The following PPP1R37 variants were observed in gnomAD, a reference collection of about 807,000 sequenced individuals.
PPP1R37 encodes protein phosphatase 1 regulatory subunit 37, also known as leucine rich repeat containing 68.
Under a neutral mutation model 61.0 loss-of-function variants are expected in PPP1R37, and 21 were observed. That is an observed-to-expected ratio of 0.34 (90% CI 0.24 to 0.50). The LOEUF (loss-of-function observed/expected upper bound fraction) is 0.50. Ranked by LOEUF, PPP1R37 falls within the 20% of genes least tolerant of loss-of-function variation. The pLI is 0.98. For missense variants in PPP1R37, 910 were observed against 952.7 expected, an observed-to-expected ratio of 0.96 and a Z score of 0.59; for synonymous variants, 443 against 433.5, an observed-to-expected ratio of 1.02 and a Z score of -0.27.
At chr19:45,143,393 A>G in intron 7 of PPP1R37, 128 bp from the exon 8 acceptor site, 1 of 593,460 alleles carries the variant, frequency 1.7e-6, no homozygotes, top group African/African-American at 1.9e-5. Context: ...GCAGGGCTGC[A>G]GGGCAAGGCC....
chr19:45,124,775 A>T (rs1313939474), intron 1 of PPP1R37, among the ~76,000 whole-genome samples: 1 of 150,488 alleles, frequency 6.6e-6, no homozygotes, highest in East Asian at 1.9e-4. Context: ...AACCTGTACA[A>T]CATACTGAGA....
chr19:45,117,323 G>A (rs560671578), intron 1 of PPP1R37, among the ~76,000 whole-genome samples: 40 of 152,298 alleles, frequency 2.6e-4, no homozygotes, highest in African/African-American at 9.6e-4. Flanking sequence ...ACCCGGAGGC[G>A]GGAACAAACC....
intron 1 of PPP1R37, among the ~76,000 whole-genome samples, chr19:45,102,758 T>C (rs1321347223): frequency 7.0e-6 from 1 of 143,334 alleles, no homozygotes; most frequent in African/African-American, 3.0e-5. Context: ...GTTTTTAGAC[T>C]CTCTGGGAAG....
intron 1 of PPP1R37, among the ~76,000 whole-genome samples, chr19:45,131,543 TTA>T (rs1263449907): frequency 6.6e-6 from 1 of 152,206 alleles, no homozygotes; most frequent in Non-Finnish European, 1.5e-5. Flanking sequence ...GGAGGTCTAG[TTA>T]TGCCAGCATC....
Position 45,124,947 on chromosome 19 carries a change from G to A in PPP1R37, c.203-13567G>A, listed in dbSNP as rs113468364. Among the ~76,000 whole-genome samples, 1,512 of 152,260 alleles carry A rather than the reference G, an allele frequency of 9.9e-3. 18 individuals are homozygous for A. Among genetic ancestry groups the A allele is most frequent in the Admixed American group, 0.025 (378 of 15,288 alleles). On this transcript the variant is annotated intron_variant, in intron 1 of 12. Transcript: ENST00000221462. ...GATTGAGCCGCTGAACTCCAGCCTG[G>A]GTGACAGATGGGGACCCCCCAAAAA...
At chr19:45,100,978 G>A (rs1599688259) in intron 1 of PPP1R37, among the ~76,000 whole-genome samples, 1 of 152,236 alleles carries the variant, frequency 6.6e-6, no homozygotes, top group African/African-American at 2.4e-5. Flanking sequence ...TGAGTGACTT[G>A]GTGACCCCGT....
chr19:45,106,466 A>G (rs1040251463), intron 1 of PPP1R37, among the ~76,000 whole-genome samples: 12 of 151,024 alleles, frequency 7.9e-5, no homozygotes, highest in Non-Finnish European at 1.5e-4. Flanking sequence ...CTGATCTCGA[A>G]CTCCTGACCT....
chr19:45,112,224 C>T (rs919333361), intron 1 of PPP1R37, among the ~76,000 whole-genome samples: 15 of 114,816 alleles, frequency 1.3e-4, no homozygotes, highest in Non-Finnish European at 3.0e-4. Context: ...ATCCGCCCGC[C>T]TCTGCCTCCC....
At chr19:45,106,119 C>G (rs1968126503) in intron 1 of PPP1R37, among the ~76,000 whole-genome samples, 1 of 152,178 alleles carries the variant, frequency 6.6e-6, no homozygotes, top group Non-Finnish European at 1.5e-5. Context: ...GGCACCAGCC[C>G]CTTCCTCATC....
Position 45,121,216 on chromosome 19 carries a change from G to C in PPP1R37, c.203-17298G>C, listed in dbSNP as rs1331418861. On this transcript the variant is annotated intron_variant, in intron 1 of 12. Coordinates refer to ENST00000221462, the MANE Select transcript of PPP1R37 (RefSeq NM_019121.2). This position sits in a 1 kb window ranked among gnomAD's most constrained non-coding sequence, Gnocchi z 4.2. ...GGGATTGTAGGAGTGGTGGGAGAGC[G>C]TGGGGATGATTACTGTTGGGAAATG... Among the ~76,000 whole-genome samples, 1 of 152,196 alleles carries C rather than the reference G, an allele frequency of 6.6e-6. No individual in the cohort carries two copies. The highest frequency in any genetic ancestry group is 1.5e-5 in the Non-Finnish European group (1 of 68,032).
chr19:45,139,461 C>T (rs1268257195), intron 2 of PPP1R37, among the ~76,000 whole-genome samples: 1 of 152,296 alleles, frequency 6.6e-6, no homozygotes, highest in East Asian at 1.9e-4. Flanking sequence ...CCCCCAGCCC[C>T]CTCCCTCGGC....
rs115933883 is a variant in PPP1R37 at position 45,146,236 on chromosome 19, G to A, written c.1994-154G>A. 437 of 875,898 alleles carry A rather than the reference G, an allele frequency of 5.0e-4. 2 individuals are homozygous for A. In the African/African-American group the frequency reaches 6.8e-3, roughly 14 times the overall value. The allele number at this position is 875,898 out of a possible 1,614,324, so 54.3% of individuals were successfully genotyped here. A position where few individuals can be genotyped will look rare whatever the true frequency, so the allele number is the denominator to read the frequency against. ...GGGTCCTGGGAGCTCTTCCTGGGGT[G>A]GGGGGGCATGTAAGGTGTGCTGCCT... is the stretch of plus-strand genomic sequence containing the variant. On this transcript the variant is annotated intron_variant, in intron 11 of 12. Coordinates refer to ENST00000221462, the MANE Select transcript of PPP1R37 (RefSeq NM_019121.2).
intron 5 of PPP1R37, among the ~76,000 whole-genome samples, chr19:45,141,688 T>TC: frequency 6.6e-6 from 1 of 152,280 alleles, no homozygotes; most frequent in Non-Finnish European, 1.5e-5. Flanking sequence ...CGTAATGTCA[T>TC]CCTTCTGTAA....
rs900314893 is a variant in PPP1R37 at position 45,145,783 on chromosome 19, G to T, written c.1727G>T (p.Ser576Ile). ...HKVFVVTRVE[S>I]PPERAEPPAS... The stretch of plus-strand genomic sequence containing the variant: ...GTGTTTGTGGTGACCCGGGTGGAGA[G>T]CCCGCCCGAGAGGGCAGAGCCCCCT... Residue 576 changes from serine to isoleucine, a missense_variant, in exon 11 of 13, where the codon AGC (serine) becomes ATC (isoleucine). Physicochemically the swap from Ser to Ile is moderately radical, Grantham distance 142. This residue lies in a region of PPP1R37 where 549 missense variants were observed against 505.1 expected (regional missense o/e 1.09). Coordinates refer to ENST00000221462, the MANE Select transcript of PPP1R37 (RefSeq NM_019121.2). The T allele has an allele frequency of 2.0e-6, 3 of 1,509,324 alleles. No individual in the cohort carries two copies. The African/African-American group carries it at 4.1e-5, about 21-fold the overall frequency. 93.5% of individuals were successfully genotyped at this position (1,509,324 alleles called of 1,614,324 possible).
At chr19:45,138,253 T>C (rs1181042542) in intron 1 of PPP1R37, among the ~76,000 whole-genome samples, 1 of 151,880 alleles carries the variant, frequency 6.6e-6, no homozygotes, top group Non-Finnish European at 1.5e-5. Context: ...TGCTGTTCAT[T>C]GTGTATTTGT....
intron 8 of PPP1R37, 162 bp from the exon 9 acceptor site, chr19:45,144,692 C>G (rs914969594): frequency 4.9e-6 from 3 of 616,942 alleles, no homozygotes; most frequent in Non-Finnish European, 8.1e-6. Flanking sequence ...GACTTCAGGC[C>G]AGGCCTGCGG....
At chr19:45,119,389 G>T (rs1968311427) in intron 1 of PPP1R37, among the ~76,000 whole-genome samples, 2 of 152,172 alleles carry the variant, frequency 1.3e-5, no homozygotes, top group South Asian at 4.1e-4. Context: ...CTGACCTCAG[G>T]TGATCTGCCC....
At chr19:45,131,192 A>G (rs909771780) in intron 1 of PPP1R37, among the ~76,000 whole-genome samples, 11 of 152,044 alleles carry the variant, frequency 7.2e-5, no homozygotes, top group African/African-American at 2.4e-4. Context: ...GTGGGAGGCA[A>G]GCTCTGTTTG....
chr19:45,138,424 TG>T, intron 1 of PPP1R37, 89 bp from the exon 2 acceptor site: 1 of 879,312 alleles, frequency 1.1e-6, no homozygotes, highest in Non-Finnish European at 1.8e-6. Context: ...GAGGGCAGTA[TG>T]GGCAGAGGCC....
Sources: gnomAD v4.1 joint callset for allele counts (sites outside exome capture counted in the v4.1 genomes callset) on GRCh38, gnomAD v4.1.1 for gene constraint, gnomAD v4.1.1 regional missense constraint, Gnocchi (gnomAD v3.1) non-coding constraint, MANE v1.5 for transcripts, NCBI Gene and HGNC (gene_info 2026-07-23, HGNC 2026-07-21) for gene names.